TAMM41: variants seen among roughly 807,000 people sequenced by gnomAD.
TAMM41 encodes TAM41 mitochondrial translocator assembly and maintenance homolog, also known as phosphatidate cytidylyltransferase, mitochondrial.
TAMM41 carries 36 observed loss-of-function variants against 44.1 expected under a neutral mutation model. The ratio of observed to expected loss-of-function variants is 0.82; its 90% CI spans 0.63 to 1.08. The LOEUF is 1.08. TAMM41 is among the 50% of genes least tolerant of loss of function. The pLI, the probability that TAMM41 is intolerant of heterozygous loss-of-function variation, is 0.00. For missense variants in TAMM41, 417 were observed against 404.3 expected, an observed-to-expected ratio of 1.03 and a Z score of -0.27; for synonymous variants, 164 against 153.1, an observed-to-expected ratio of 1.07 and a Z score of -0.53.
At chr3:11,761,298 G>A in the TAMM41 span, among the ~76,000 whole-genome samples, 2 of 152,002 alleles carry the variant, frequency 1.3e-5, no homozygotes, top group East Asian at 3.9e-4. Context: ...ATAGACTTTG[G>A]GATCTTGGTT....
chr3:11,745,061 C>T, the TAMM41 span, among the ~76,000 whole-genome samples: 2 of 152,150 alleles, frequency 1.3e-5, no homozygotes, highest in African/African-American at 4.8e-5. Flanking sequence ...TGGGGTTGCA[C>T]CATGTTGGTC....
At chr3:11,744,927 GAT>G in the TAMM41 span, among the ~76,000 whole-genome samples, 2 of 150,452 alleles carry the variant, frequency 1.3e-5, no homozygotes, top group Non-Finnish European at 3.0e-5. Flanking sequence ...ATAGTGGTGC[GAT>G]CTCGACTCAC....
At chr3:11,812,965 G>A in intron 5 of TAMM41, among the ~76,000 whole-genome samples, 1 of 152,202 alleles carries the variant, frequency 6.6e-6, no homozygotes, top group East Asian at 1.9e-4. Flanking sequence ...AGCACTGGGA[G>A]CTGTAGCTCA....
At chr3:11,846,405 A>G in intron 1 of TAMM41, 97 bp downstream of exon 1, 5 of 1,405,320 alleles carry the variant, frequency 3.6e-6, no homozygotes, top group East Asian at 2.3e-5. Context: ...TGGAGTGTGC[A>G]GAGCGGACAG....
chr3:11,811,816 A>C (rs2078095125), intron 5 of TAMM41, among the ~76,000 whole-genome samples: 1 of 152,226 alleles, frequency 6.6e-6, no homozygotes, highest in African/African-American at 2.4e-5. Context: ...AAGGGTATGG[A>C]GTGACAGAAA....
At chr3:11,772,294 G>C in the TAMM41 span, among the ~76,000 whole-genome samples, 1 of 149,950 alleles carries the variant, frequency 6.7e-6, no homozygotes, top group East Asian at 2.0e-4. Flanking sequence ...TGTTAGCCAG[G>C]ATGGTCTTCA....
chr3:11,807,270 C>G, intron 7 of TAMM41: 1 of 1,433,844 alleles, frequency 7.0e-7, no homozygotes, highest in South Asian at 1.5e-5. Flanking sequence ...AACCACCAGA[C>G]AACTATATTA....
At chr3:11,771,067 G>A in the TAMM41 span, among the ~76,000 whole-genome samples, 2 of 152,174 alleles carry the variant, frequency 1.3e-5, no homozygotes, top group Non-Finnish European at 2.9e-5. Flanking sequence ...GTCCCTCCCT[G>A]CTCTAGGTGG....
chr3:11,734,207 G>A, the TAMM41 span, among the ~76,000 whole-genome samples: 5 of 152,168 alleles, frequency 3.3e-5, no homozygotes, highest in African/African-American at 1.2e-4. Context: ...GGAATGCGAG[G>A]CACCCGGGAT....
the TAMM41 span, among the ~76,000 whole-genome samples, chr3:11,762,829 G>C: frequency 7.6e-4 from 116 of 152,312 alleles, no homozygotes; most frequent in Non-Finnish European, 1.4e-3. Context: ...GGAGGCCAAG[G>C]CAGGTGGATC....
At position 11,829,730 on chromosome 3, in the gene TAMM41, G is replaced by A. The variant is rs116010980; in HGVS notation, c.546C>T (p.Ala182=). 3.2e-3 allele frequency: 5,153 copies of A among 1,614,078 alleles called. 14 individuals are homozygous for A. The highest frequency in any genetic ancestry group is 4.1e-3 in the Non-Finnish European group (4,785 of 1,179,990). ...FSEEDLFIEI[A]GLSYSGDFRM... ...CATACTAACCTGAATAGGAGAGACCGGCAATCTCTATGAAGAGGTCTTCTT... is the reference window on the plus strand; with the variant it reads ...CATACTAACCTGAATAGGAGAGACCAGCAATCTCTATGAAGAGGTCTTCTT... Residue 182 remains alanine (A), a synonymous_variant, in exon 4 of 8, where the codon GCC becomes GCT. Coordinates refer to ENST00000455809, the MANE Select transcript of TAMM41 (RefSeq NM_001284401.2).
At chr3:11,777,851 T>G in the TAMM41 span, among the ~76,000 whole-genome samples, 1 of 152,186 alleles carries the variant, frequency 6.6e-6, no homozygotes, top group Non-Finnish European at 1.5e-5. Flanking sequence ...ACCGCCATCA[T>G]ACAGTTTTAG....
chr3:11,727,356 C>T, the TAMM41 span, among the ~76,000 whole-genome samples: 1 of 152,228 alleles, frequency 6.6e-6, no homozygotes, highest in Admixed American at 6.5e-5. Flanking sequence ...GAAATGCAGG[C>T]TTGCAGGACC....
chr3:11,728,624 G>T, the TAMM41 span, among the ~76,000 whole-genome samples: 1 of 152,324 alleles, frequency 6.6e-6, no homozygotes, highest in South Asian at 2.1e-4. Flanking sequence ...ATTGTGAGTA[G>T]CTGTGACCTG....
rs2077970028 is a variant in TAMM41, at chr3:11,807,992, T to A, written c.875-97A>T. 21 of 1,446,008 alleles carry A rather than the reference T, an allele frequency of 1.5e-5. 1 individual carries two copies. The South Asian group carries it at 3.0e-4, about 21-fold the overall frequency. The allele number at this position is 1,446,008 out of a possible 1,614,324, so 89.6% of individuals were successfully genotyped here. A position where few individuals can be genotyped will look rare whatever the true frequency, so the allele number is the denominator to read the frequency against. On this transcript the variant is annotated intron_variant, in intron 6 of 7. Transcript: ENST00000455809. ...ACTTGAAACTAAATATTCTTTCTAGTCAGCCAATCAAACCACCAAATCTAT... is the reference window on the plus strand; with the variant it reads ...ACTTGAAACTAAATATTCTTTCTAGACAGCCAATCAAACCACCAAATCTAT...
chr3:11,827,749 CT>C (rs2078819244), intron 4 of TAMM41, among the ~76,000 whole-genome samples: 1 of 152,074 alleles, frequency 6.6e-6, no homozygotes, highest in Admixed American at 6.5e-5. Context: ...TCCACCTACT[CT>C]CTTCTCACCC....
chr3:11,823,804 G>T (rs2078627645), intron 4 of TAMM41, among the ~76,000 whole-genome samples: 1 of 145,242 alleles, frequency 6.9e-6, no homozygotes, highest in Non-Finnish European at 1.5e-5. Flanking sequence ...GGGACTACAG[G>T]TCAGGTGTGT....
chr3:11,749,456 C>A, the TAMM41 span, among the ~76,000 whole-genome samples: 1 of 152,186 alleles, frequency 6.6e-6, no homozygotes, highest in Non-Finnish European at 1.5e-5. Flanking sequence ...CCAGGAGAGC[C>A]CTCGAATTCT....
chr3:11,816,695 T>TG (rs1001179844), intron 5 of TAMM41, among the ~76,000 whole-genome samples: 1 of 151,706 alleles, frequency 6.6e-6, no homozygotes, highest in Non-Finnish European at 1.5e-5. Context: ...GATCCCAGGC[T>TG]GGGGGGTGTT....
Sources: gnomAD v4.1 joint callset for allele counts (sites outside exome capture counted in the v4.1 genomes callset) on GRCh38, gnomAD v4.1.1 for gene constraint, MANE v1.5 for transcripts, NCBI Gene and HGNC (gene_info 2026-07-23, HGNC 2026-07-21) for gene names.